The following CCDC171 variants were observed in gnomAD, a reference collection of about 807,000 sequenced individuals.
CCDC171 encodes coiled-coil domain-containing protein 171.
CCDC171 carries 177 observed loss-of-function variants against 168.2 expected under a neutral mutation model. The observed-to-expected ratio is 1.05, with a 90% confidence interval of 0.93 to 1.19. The LOEUF is 1.19. Among genes scored for constraint, CCDC171 ranks in the 50% most tolerant of loss-of-function variants. CCDC171 has a pLI of 0.00. For synonymous variants in CCDC171, 687 were observed against 540.8 expected, an observed-to-expected ratio of 1.27 and a Z score of -3.75; for missense variants, 1,991 against 1,539.0, an observed-to-expected ratio of 1.29 and a Z score of -4.91.
intron 2 of CCDC171, among the ~76,000 whole-genome samples, chr9:15,564,404 C>T (rs2039558340): frequency 6.6e-6 from 1 of 152,196 alleles, no homozygotes; most frequent in African/African-American, 2.4e-5. Context: ...TGTTCTTTTC[C>T]ACTACTTTAA....
chr9:15,909,626 G>A (rs762183753), intron 24 of CCDC171, among the ~76,000 whole-genome samples: 3 of 152,050 alleles, frequency 2.0e-5, no homozygotes, highest in South Asian at 2.1e-4. Context: ...TGCTGTTTGC[G>A]TGCTATTAGT....
At chr9:15,683,400 CAT>C (rs1469407850) in intron 10 of CCDC171, among the ~76,000 whole-genome samples, 1 of 151,872 alleles carries the variant, frequency 6.6e-6, no homozygotes, top group East Asian at 1.9e-4. Flanking sequence ...TTTAGAAGAA[CAT>C]GTTTCTGATT....
At chr9:15,825,758 T>C (rs1346401175) in intron 21 of CCDC171, among the ~76,000 whole-genome samples, 1 of 152,174 alleles carries the variant, frequency 6.6e-6, no homozygotes, top group Non-Finnish European at 1.5e-5. Flanking sequence ...TAGAAGTGTC[T>C]TAATCTGCAG....
intron 7 of CCDC171, among the ~76,000 whole-genome samples, chr9:15,649,432 A>C (rs1197620093): frequency 6.6e-6 from 1 of 152,242 alleles, no homozygotes; most frequent in Non-Finnish European, 1.5e-5. Context: ...CCTGCACAGC[A>C]AAAGAAGCTA....
chr9:16,106,256 TTC>T, the CCDC171 span, among the ~76,000 whole-genome samples: 1 of 152,234 alleles, frequency 6.6e-6, no homozygotes, highest in African/African-American at 2.4e-5. Context: ...TGCTTTTTTG[TTC>T]TCTCCTCAAA....
At chr9:15,850,844 G>GT (rs2130809994) in intron 23 of CCDC171, among the ~76,000 whole-genome samples, 1 of 151,992 alleles carries the variant, frequency 6.6e-6, no homozygotes, top group African/African-American at 2.4e-5. Flanking sequence ...TGGAAGGAGG[G>GT]TCCAGGCTCT....
At chr9:16,075,644 C>G in the CCDC171 span, among the ~76,000 whole-genome samples, 1 of 152,120 alleles carries the variant, frequency 6.6e-6, no homozygotes, top group Non-Finnish European at 1.5e-5. Context: ...TGCTTCAGGT[C>G]TCACACAATG....
intron 3 of CCDC171, among the ~76,000 whole-genome samples, chr9:16,011,873 G>C (rs928991362): frequency 1.3e-5 from 2 of 152,326 alleles, no homozygotes; most frequent in East Asian, 1.9e-4. Context: ...TCATCAGTCA[G>C]AAGATTGTCT....
chr9:15,797,741 A>G (rs2058631310), intron 21 of CCDC171, among the ~76,000 whole-genome samples: 1 of 152,050 alleles, frequency 6.6e-6, no homozygotes, highest in African/African-American at 2.4e-5. Flanking sequence ...TTTATATTTC[A>G]TCTAAGAAAT....
At chr9:15,653,117 TTTG>T (rs1368109153) in intron 7 of CCDC171, among the ~76,000 whole-genome samples, 3 of 152,166 alleles carry the variant, frequency 2.0e-5, no homozygotes. Flanking sequence ...CTAGTGGTTT[TTTG>T]TTGTTGTCAT....
In CCDC171 at chr9:15,784,569, C is replaced by G. The variant is rs767649040; in HGVS notation, c.3142C>G (p.Arg1048Gly). 6.2e-7 allele frequency: 1 copy of G among 1,612,962 alleles called. No individual in the cohort carries two copies. The highest frequency in any genetic ancestry group is 1.3e-5 in the African/African-American group (1 of 74,842). ...ACEELNNALL[R>G]EEQAQMLLNE... ...TGAAGAACTAAATAATGCATTACTT[C>G]GGGAAGAGCAGGCACAAATGCTATT... Residue 1048 changes from arginine to glycine, a missense_variant, in exon 21 of 26, where the codon CGG becomes GGG. Physicochemically the swap from Arg to Gly is moderately radical, Grantham distance 125. Coordinates refer to ENST00000380701, the MANE Select transcript of CCDC171 (RefSeq NM_173550.4).
At chr9:16,068,549 T>C in the CCDC171 span, among the ~76,000 whole-genome samples, 1,930 of 152,330 alleles carry the variant, frequency 0.013, 51 homozygotes, top group African/African-American at 0.044. Context: ...GTTCAAACTC[T>C]GGCTCCACCA....
chr9:15,956,369 A>G (rs1444955918), intron 25 of CCDC171, among the ~76,000 whole-genome samples: 2 of 152,140 alleles, frequency 1.3e-5, no homozygotes, highest in Non-Finnish European at 2.9e-5. Flanking sequence ...GGATACTTGG[A>G]ATTGAAATCA....
chr9:16,016,414 T>G (rs1047181858), intron 3 of CCDC171, among the ~76,000 whole-genome samples: 51 of 152,016 alleles, frequency 3.4e-4, no homozygotes, highest in Non-Finnish European at 1.3e-4. Context: ...CAATATATAT[T>G]TAGTGAATGA....
chr9:15,639,741 G>A (rs1293479302), intron 7 of CCDC171, among the ~76,000 whole-genome samples: 1 of 152,072 alleles, frequency 6.6e-6, no homozygotes, highest in Non-Finnish European at 1.5e-5. Context: ...CAAGATGACT[G>A]GCACAGAGAA....
At chr9:15,676,502 C>G (rs951332772) in intron 9 of CCDC171, among the ~76,000 whole-genome samples, 3 of 151,658 alleles carry the variant, frequency 2.0e-5, no homozygotes, top group African/African-American at 7.3e-5. Flanking sequence ...CAGACTGGAG[C>G]TGTTCCTATT....
intron 18 of CCDC171, among the ~76,000 whole-genome samples, chr9:15,765,835 A>T: frequency 6.6e-6 from 1 of 152,142 alleles, no homozygotes; most frequent in East Asian, 1.9e-4. Flanking sequence ...TATAGTTATA[A>T]TTGTTGGGAG....
At chr9:15,840,878 G>A (rs547513087) in intron 21 of CCDC171, among the ~76,000 whole-genome samples, 73 of 151,930 alleles carry the variant, frequency 4.8e-4, no homozygotes, top group African/African-American at 1.7e-3. Context: ...TATATGCGAG[G>A]CTTAGAACAA....
At chr9:15,957,040 T>A (rs76064918) in intron 25 of CCDC171, among the ~76,000 whole-genome samples, 6,441 of 151,858 alleles carry the variant, frequency 0.042, 222 homozygotes, top group Non-Finnish European at 0.061. Flanking sequence ...TGTTTTTTTT[T>A]TTTTGAGGAG....
Sources: gnomAD v4.1 joint callset for allele counts (sites outside exome capture counted in the v4.1 genomes callset) on GRCh38, gnomAD v4.1.1 for gene constraint, MANE v1.5 for transcripts, NCBI Gene and HGNC (gene_info 2026-07-23, HGNC 2026-07-21) for gene names.